The following DNAH9 variants were observed in gnomAD, a reference collection of about 807,000 sequenced individuals.
DNAH9 encodes the protein dynein axonemal heavy chain 9, also known as DNAH9 variant protein.
A neutral mutation model predicts 471.6 loss-of-function variants in DNAH9; 345 were observed. That is an observed-to-expected ratio of 0.73 (90% CI 0.67 to 0.80). DNAH9 has a LOEUF of 0.80. Ranked by LOEUF, DNAH9 falls within the 30% of genes least tolerant of loss-of-function variation. The pLI is 0.00. For synonymous variants in DNAH9, 2,093 were observed against 2,123.6 expected (o/e 0.99, Z 0.40); for missense variants, 5,407 against 5,609.2 (o/e 0.96, Z 1.15).
rs1453516417 is a variant in DNAH9, at chr17:11,863,822, G to A, written c.9934-5312G>A. ...GTTTATTTGCATAGAGGTGTTTGTAGTATTCTCTGATGGTAGTTTGTATTT... is the reference window on the plus strand; with the variant it reads ...GTTTATTTGCATAGAGGTGTTTGTAATATTCTCTGATGGTAGTTTGTATTT... On this transcript the variant is annotated intron_variant, in intron 50 of 68. Coordinates refer to ENST00000262442, the MANE Select transcript of DNAH9 (RefSeq NM_001372.4). Among the ~76,000 whole-genome samples, 3 of 150,960 alleles carry A rather than the reference G, an allele frequency of 2.0e-5. No individual in the cohort carries two copies. The East Asian group carries it at 5.8e-4, about 29-fold the overall frequency.
chr17:11,696,745 G>A (rs1464712023), intron 22 of DNAH9, among the ~76,000 whole-genome samples: 1 of 152,132 alleles, frequency 6.6e-6, no homozygotes, highest in East Asian at 1.9e-4. Context: ...TTCCAAAGTA[G>A]TCCAGGTGTG....
chr17:11,715,521 C>T (rs924209363), intron 26 of DNAH9, among the ~76,000 whole-genome samples: 1 of 152,152 alleles, frequency 6.6e-6, no homozygotes, highest in African/African-American at 2.4e-5. Flanking sequence ...GAGCACCTGA[C>T]ATGGTGAAAG....
intron 26 of DNAH9, among the ~76,000 whole-genome samples, chr17:11,714,990 G>C (rs901766191): frequency 6.6e-6 from 1 of 152,164 alleles, no homozygotes; most frequent in African/African-American, 2.4e-5. Context: ...TGGACTTCTG[G>C]CCCACAGAAG....
chr17:11,943,053 G>A (rs1281146895), intron 67 of DNAH9, among the ~76,000 whole-genome samples: 5 of 151,650 alleles, frequency 3.3e-5, no homozygotes, highest in African/African-American at 1.2e-4. Context: ...CCGCCACCAC[G>A]CCGGCTAATT....
Position 11,902,820 on chromosome 17 carries a change from G to T in DNAH9, c.11508G>T (p.Glu3836Asp). The T allele has an allele frequency of 6.2e-7, 1 of 1,614,066 alleles. No homozygotes were observed. Among genetic ancestry groups the T allele is most frequent in the East Asian group, 2.2e-5 (1 of 44,886 alleles). Residue 3836 changes from glutamate to aspartate, a missense_variant, in exon 60 of 69, where the codon GAG (glutamate) becomes GAT (aspartate). Glu to Asp is a conservative substitution (Grantham distance 45, BLOSUM62 2). Coordinates refer to ENST00000262442, the MANE Select transcript of DNAH9 (RefSeq NM_001372.4). ...TGGAGTCCGAATGTCCTGAGAAAGA[G>T]AAGCTCCCACAGGAGTGGAAGAACA... is the stretch of plus-strand genomic sequence containing the variant. ...KFVESECPEK[E>D]KLPQEWKNKT...
At chr17:11,696,795 G>A (rs1265101149) in intron 22 of DNAH9, among the ~76,000 whole-genome samples, 2 of 152,132 alleles carry the variant, frequency 1.3e-5, no homozygotes, top group Non-Finnish European at 2.9e-5. Context: ...TTAGCATTCT[G>A]TATTATAACT....
At chr17:11,667,956 T>C (rs1275872124) in intron 15 of DNAH9, among the ~76,000 whole-genome samples, 1 of 152,230 alleles carries the variant, frequency 6.6e-6, no homozygotes. Context: ...GAACAGGCTC[T>C]GCCACCCACA....
At chr17:11,647,623 G>T (rs1597430840) in intron 12 of DNAH9, among the ~76,000 whole-genome samples, 2 of 152,128 alleles carry the variant, frequency 1.3e-5, no homozygotes, top group East Asian at 3.9e-4. Flanking sequence ...GGCCTACCTT[G>T]AACTTACCAT....
chr17:11,783,739 C>T lies in DNAH9; in HGVS notation c.7812C>T (p.Pro2604=). ...NPTAGSFTIN[P]RLQRHFSVFV... Reference sequence around the variant, plus strand: ...CGGCAGGCAGCTTCACCATCAACCCCCGGCTTCAGGTACAGGAGGAGCCAT... The same window carrying T: ...CGGCAGGCAGCTTCACCATCAACCCTCGGCTTCAGGTACAGGAGGAGCCAT... The change falls in exon 40 of 69, where the codon CCC becomes CCT. Residue 2604 remains proline, a synonymous_variant. Transcript: ENST00000262442. 1.2e-6 allele frequency: 2 copies of T among 1,614,032 alleles called. No homozygotes were observed. The highest frequency in any genetic ancestry group is 1.7e-6 in the Non-Finnish European group (2 of 1,179,946).
chr17:11,603,365 T>C (rs753979302), intron 1 of DNAH9, among the ~76,000 whole-genome samples: 1 of 152,214 alleles, frequency 6.6e-6, no homozygotes, highest in Non-Finnish European at 1.5e-5. Context: ...TCTGAGACGC[T>C]CTTGCTTCTT....
chr17:11,839,413 G>T (rs1042215455), intron 49 of DNAH9, among the ~76,000 whole-genome samples: 16 of 152,074 alleles, frequency 1.1e-4, no homozygotes, highest in African/African-American at 3.9e-4. Context: ...CTACTCGGGA[G>T]GCTGAGGCAG....
intron 26 of DNAH9, among the ~76,000 whole-genome samples, chr17:11,708,012 CACAGAGAGAG>C (rs1360574707): frequency 3.8e-4 from 19 of 50,096 alleles, no homozygotes; most frequent in African/African-American, 1.2e-3. Flanking sequence ...CACACACACA[CACAGAGAGAG>C]AGAGAGAGAG....
chr17:11,927,734 C>T (rs1974378702), intron 62 of DNAH9, among the ~76,000 whole-genome samples: 1 of 152,140 alleles, frequency 6.6e-6, no homozygotes, highest in African/African-American at 2.4e-5. Flanking sequence ...TCACAGTCTT[C>T]CCGCTCTTCC....
In DNAH9 at chr17:11,699,839, G is replaced by A. The variant is rs372100537; in HGVS notation, c.4981G>A (p.Glu1661Lys). 4 of 1,614,218 alleles carry A rather than the reference G, an allele frequency of 2.5e-6. No individual in the cohort carries two copies. In the South Asian group the frequency reaches 4.4e-5, roughly 18 times the overall value. Residue 1661 changes from glutamate to lysine, a missense_variant, in exon 23 of 69, where the codon GAG becomes AAG. Around this residue, in one of 3 missense-constraint regions of DNAH9, gnomAD observed 4,636 missense variants for 4,900.3 expected, o/e 0.95. Transcript: ENST00000262442. ...KTSLGMYSKE[E>K]EYVAFSEPCD... ...AAGCCTCGGCATGTACAGCAAAGAA[G>A]AGGAGTATGTGGCTTTCAGTGAGCC...
chr17:11,929,869 A>C lies in DNAH9; in HGVS notation c.11881A>C (p.Ile3961Leu), dbSNP rs1226399108. The C allele has an allele frequency of 6.2e-7, 1 of 1,612,908 alleles. No individual in the cohort carries two copies. The highest frequency in any genetic ancestry group is 1.7e-5 in the Admixed American group (1 of 59,832). Reference sequence around the variant, plus strand: ...GGGGCTCCTTCCTTCCCACTAGAACATTCACCTGGTGGCCAAGTGGCTCAG... The same window carrying C: ...GGGGCTCCTTCCTTCCCACTAGAACCTTCACCTGGTGGCCAAGTGGCTCAG... ...KKGHWVILQN[I>L]HLVAKWLSTL... is the part of the protein sequence containing the mutation. The change falls in exon 63 of 69, where the codon ATT (isoleucine) becomes CTT (leucine). Residue 3961 changes from isoleucine (I) to leucine (L), a missense_variant. By Grantham distance (5) the Ile-to-Leu change is conservative. This residue lies in a region of DNAH9 where 4,636 missense variants were observed against 4,900.3 expected (regional missense o/e 0.95). Transcript: ENST00000262442.
chr17:11,730,906 ATGG>A (rs1054094502), intron 28 of DNAH9, among the ~76,000 whole-genome samples: 3 of 150,504 alleles, frequency 2.0e-5, no homozygotes, highest in African/African-American at 4.9e-5. Context: ...GATAATGGTG[ATGG>A]TGGTAATGAT....
chr17:11,608,863 A>C (rs1344477244), intron 2 of DNAH9, among the ~76,000 whole-genome samples: 1 of 152,038 alleles, frequency 6.6e-6, no homozygotes, highest in Non-Finnish European at 1.5e-5. Flanking sequence ...TTGGGAGTTC[A>C]TGCCTCCTGC....
chr17:11,763,764 A>G (rs1967819366), intron 36 of DNAH9, 150 bp downstream of exon 36: 7 of 767,302 alleles, frequency 9.1e-6, no homozygotes, highest in Middle Eastern at 2.5e-4. Context: ...TTACTCTGCT[A>G]AAGACATCAG....
chr17:11,731,970 C>T (rs1422523010), intron 28 of DNAH9, among the ~76,000 whole-genome samples: 1 of 152,130 alleles, frequency 6.6e-6, no homozygotes, highest in Non-Finnish European at 1.5e-5. Flanking sequence ...TAAGGAATCT[C>T]CACATTGACT....
Sources: allele counts gnomAD v4.1 joint callset (sites outside exome capture counted in the v4.1 genomes callset), GRCh38; gene constraint gnomAD v4.1.1; regional missense constraint gnomAD v4.1.1; transcripts MANE v1.5; gene names NCBI Gene and HGNC (gene_info 2026-07-23, HGNC 2026-07-21).